ELK3: variants seen among roughly 807,000 people sequenced by gnomAD.
ELK3 encodes ETS domain-containing protein Elk-3.
A neutral mutation model predicts 28.9 loss-of-function variants in ELK3; 10 were observed. The ratio of observed to expected loss-of-function variants is 0.35; its 90% CI spans 0.21 to 0.59. The LOEUF (loss-of-function observed/expected upper bound fraction) is 0.59, where lower values mean the gene tolerates loss of function less well. Ranked by LOEUF, ELK3 falls within the 20% of genes least tolerant of loss-of-function variation. ELK3 has a pLI of 0.82. For missense variants in ELK3, 463 were observed against 517.3 expected, an observed-to-expected ratio of 0.90 and a Z score of 1.02; for synonymous variants, 272 against 243.5, an observed-to-expected ratio of 1.12 and a Z score of -1.09.
intron 4 of ELK3, 46 bp downstream of exon 4, chr12:96,259,899 T>C (rs1951980764): frequency 6.5e-7 from 1 of 1,532,752 alleles, no homozygotes; most frequent in Non-Finnish European, 8.8e-7. Context: ...TTCTGAGGGA[T>C]GGTTTTTTCT....
intron 3 of ELK3, among the ~76,000 whole-genome samples, chr12:96,256,761 G>A (rs1389266377): frequency 6.6e-6 from 1 of 152,228 alleles, no homozygotes; most frequent in African/African-American, 2.4e-5. Flanking sequence ...CTGGTTGAGG[G>A]GAGATCAGGA....
intron 1 of ELK3, among the ~76,000 whole-genome samples, chr12:96,222,417 C>T (rs1279131714): frequency 6.6e-6 from 1 of 152,148 alleles, no homozygotes; most frequent in Non-Finnish European, 1.5e-5. Context: ...AGGTTTTTGT[C>T]TCTTCATGGG....
intron 1 of ELK3, among the ~76,000 whole-genome samples, chr12:96,201,580 C>CAAA (rs11298632): frequency 1.2e-5 from 1 of 82,928 alleles, no homozygotes; most frequent in Non-Finnish European, 2.4e-5. Flanking sequence ...AACCCTGTCT[C>CAAA]AAAAAAAAAA....
intron 3 of ELK3, among the ~76,000 whole-genome samples, chr12:96,250,208 C>T (rs1951892867): frequency 6.6e-6 from 1 of 152,162 alleles, no homozygotes; most frequent in South Asian, 2.1e-4. Context: ...GGACTCAGAC[C>T]CCACTTTGAA....
intron 2 of ELK3, among the ~76,000 whole-genome samples, chr12:96,245,775 A>C (rs555463004): frequency 1.3e-5 from 2 of 152,172 alleles, no homozygotes; most frequent in Non-Finnish European, 2.9e-5. Flanking sequence ...TCGGCAGGGA[A>C]TTAAAGTATC....
intron 1 of ELK3, among the ~76,000 whole-genome samples, chr12:96,219,918 G>A (rs1034582936): frequency 1.6e-4 from 24 of 152,252 alleles, no homozygotes; most frequent in East Asian, 1.9e-4. Context: ...AGAGGAGAAC[G>A]AGGCCCTCAG....
chr12:96,213,907 G>A (rs1432809096), intron 1 of ELK3: 1 of 53,104 alleles, frequency 1.9e-5, no homozygotes, highest in Non-Finnish European at 3.6e-5. Flanking sequence ...TGTGTTTTTT[G>A]TGGGGATGGG....
At chr12:96,234,100 G>A (rs772341153) in intron 2 of ELK3, among the ~76,000 whole-genome samples, 18 of 152,196 alleles carry the variant, frequency 1.2e-4, no homozygotes, top group Non-Finnish European at 2.5e-4. Flanking sequence ...CCGGGAGATG[G>A]CAGCTGGTAT....
chr12:96,226,516 C>CACATGCA (rs1565782720), intron 2 of ELK3, among the ~76,000 whole-genome samples: 2 of 150,024 alleles, frequency 1.3e-5, no homozygotes, highest in Non-Finnish European at 3.0e-5. Flanking sequence ...ACACCCATGC[C>CACATGCA]CACACAGATG....
At chr12:96,202,120 G>A (rs1054240957) in intron 1 of ELK3, among the ~76,000 whole-genome samples, 6 of 152,170 alleles carry the variant, frequency 3.9e-5, no homozygotes, top group South Asian at 2.1e-4. Flanking sequence ...CTCTGCACCC[G>A]CTCTGATCCC....
chr12:96,197,812 A>G (rs1951482188), intron 1 of ELK3, among the ~76,000 whole-genome samples: 1 of 152,368 alleles, frequency 6.6e-6, no homozygotes, highest in South Asian at 2.1e-4. Flanking sequence ...TAAATAAGTC[A>G]AAAGTGCTAA....
intron 1 of ELK3, among the ~76,000 whole-genome samples, chr12:96,209,821 A>G (rs1951564603): frequency 6.6e-6 from 1 of 152,186 alleles, no homozygotes; most frequent in Non-Finnish European, 1.5e-5. Context: ...GTTTGATAGT[A>G]TGTAAAGGAT....
In ELK3 at chr12:96,247,490, C is replaced by G; in HGVS notation, c.758C>G (p.Pro253Arg). ...TCCCTGTCCCCCAACTCACCCCTCC[C>G]TTCTGAACACAGAAGCCTCTTCCTG... ...SPSLSPNSPL[P>R]SEHRSLFLEA... Residue 253 changes from proline (P) to arginine (R), a missense_variant, in exon 3 of 5, where the codon CCT becomes CGT. Around this residue, in one of 2 missense-constraint regions of ELK3, gnomAD observed 408 missense variants for 414.8 expected, o/e 0.98. Coordinates refer to ENST00000228741, the MANE Select transcript of ELK3 (RefSeq NM_005230.4). This position sits in a 1 kb window ranked among gnomAD's most constrained non-coding sequence, Gnocchi z 5.5. 1.2e-6 allele frequency: 2 copies of G among 1,614,178 alleles called. No homozygotes were observed. The highest frequency in any genetic ancestry group is 1.7e-6 in the Non-Finnish European group (2 of 1,180,036).
At chr12:96,210,561 G>GCACACACACACACACACACACACACACA (rs368183390) in intron 1 of ELK3, among the ~76,000 whole-genome samples, 6 of 144,842 alleles carry the variant, frequency 4.1e-5, no homozygotes, top group East Asian at 2.1e-4. Flanking sequence ...GCGCGCGGGC[G>GCACACACACACACACACACACACACACA]CACGCACACA....
intron 2 of ELK3, among the ~76,000 whole-genome samples, chr12:96,226,957 CCT>C (rs1461957766): frequency 3.9e-5 from 6 of 152,202 alleles, no homozygotes; most frequent in Non-Finnish European, 7.3e-5. Context: ...TTTCCGATGA[CCT>C]CTTTCTTCCT....
Position 96,267,152 on chromosome 12 carries a change from T to A in ELK3, c.1196T>A (p.Leu399Gln), listed in dbSNP as rs368507409. The part of the protein sequence containing the change: ...PSLDRAASPV[L>Q]LSSNSQKS ...CTGGACAGAGCTGCTTCTCCAGTAC[T>A]GCTTTCTTCAAACTCTCAGAAATCC... is the stretch of plus-strand genomic sequence containing the variant. Residue 399 changes from leucine to glutamine, a missense_variant, in exon 5 of 5, where the codon CTG becomes CAG. By Grantham distance (113) the Leu-to-Gln change is moderately radical. Transcript: ENST00000228741. 1 of 1,612,858 alleles carries A rather than the reference T, an allele frequency of 6.2e-7. No individual in the cohort carries two copies. Among genetic ancestry groups the A allele is most frequent in the South Asian group, 1.1e-5 (1 of 90,786 alleles).
intron 2 of ELK3, among the ~76,000 whole-genome samples, chr12:96,236,576 G>C (rs1951785268): frequency 6.6e-6 from 1 of 152,216 alleles, no homozygotes; most frequent in African/African-American, 2.4e-5. Context: ...GAATGGGTGT[G>C]AGTGGGTGTG....
At chr12:96,231,514 C>T (rs922887887) in intron 2 of ELK3, among the ~76,000 whole-genome samples, 1 of 152,144 alleles carries the variant, frequency 6.6e-6, no homozygotes. Context: ...TTTTTGGAGA[C>T]ACAGTTTCAC....
intron 3 of ELK3, chr12:96,255,563 G>A (rs966566028): frequency 6.6e-6 from 1 of 152,232 alleles, no homozygotes; most frequent in African/African-American, 2.4e-5. Context: ...AAGAGGGTTT[G>A]GGGAGGGAAG....
Sources: gnomAD v4.1 joint callset for allele counts (sites outside exome capture counted in the v4.1 genomes callset) on GRCh38, gnomAD v4.1.1 for gene constraint, gnomAD v4.1.1 regional missense constraint, Gnocchi (gnomAD v3.1) non-coding constraint, MANE v1.5 for transcripts, NCBI Gene and HGNC (gene_info 2026-07-23, HGNC 2026-07-21) for gene names.